GPC5: variants seen among roughly 807,000 people sequenced by gnomAD.
GPC5 encodes glypican-5.
GPC5 carries 47 observed loss-of-function variants against 53.9 expected under a neutral mutation model. The observed-to-expected ratio is 0.87, with a 90% CI of 0.69 to 1.11. The LOEUF is 1.11. Among genes scored for constraint, GPC5 ranks in the 50% most tolerant of loss-of-function variants. The pLI, the probability that GPC5 is intolerant of heterozygous loss-of-function variation, is 0.00. For missense variants in GPC5, 748 were observed against 713.1 expected (o/e 1.05, Z -0.56); for synonymous variants, 286 against 263.3 (o/e 1.09, Z -0.84).
At chr13:91,622,364 T>C (rs1213145163) in intron 2 of GPC5, among the ~76,000 whole-genome samples, 2 of 152,192 alleles carry the variant, frequency 1.3e-5, no homozygotes, top group African/African-American at 4.8e-5. Context: ...AGTCTACATC[T>C]TAACATCTGT....
rs569524907 is a variant in GPC5, at chr13:91,686,901, C to T, written c.326-6286C>T. Among the ~76,000 whole-genome samples the T allele has an allele frequency of 8.6e-5, 13 of 151,988 alleles. No homozygotes were observed. The South Asian group carries it at 1.2e-3, about 15-fold the overall frequency. On this transcript the variant is annotated intron_variant, in intron 2 of 7. Coordinates refer to ENST00000377067, the MANE Select transcript of GPC5 (RefSeq NM_004466.6). ...AGTTGTAATGCACAAAATGCAAATT[C>T]GCTCTGAAAATTTCTCTTCAATCAG...
intron 7 of GPC5, among the ~76,000 whole-genome samples, chr13:92,585,139 C>G (rs1386421833): frequency 2.6e-5 from 4 of 152,118 alleles, no homozygotes; most frequent in African/African-American, 9.7e-5. Context: ...AAGAGGGCCA[C>G]TATCCTTCAG....
chr13:91,474,952 T>A (rs1882847357), intron 2 of GPC5, among the ~76,000 whole-genome samples: 1 of 152,162 alleles, frequency 6.6e-6, no homozygotes, highest in South Asian at 2.1e-4. Flanking sequence ...CTGGTTAATG[T>A]CCTTAATTTG....
At chr13:91,712,938 C>T (rs1264480300) in intron 3 of GPC5, among the ~76,000 whole-genome samples, 4 of 152,092 alleles carry the variant, frequency 2.6e-5, no homozygotes, top group African/African-American at 9.7e-5. Context: ...CGCCTGTAAT[C>T]CCAGCACTTT....
intron 2 of GPC5, among the ~76,000 whole-genome samples, chr13:91,496,760 C>A (rs751037193): frequency 2.0e-5 from 3 of 152,114 alleles, no homozygotes; most frequent in Non-Finnish European, 4.4e-5. Context: ...ATTTATAGTA[C>A]ATTCAAAAAT....
intron 2 of GPC5, among the ~76,000 whole-genome samples, chr13:91,594,153 A>G (rs767076016): frequency 6.6e-6 from 1 of 152,240 alleles, no homozygotes; most frequent in African/African-American, 2.4e-5. Context: ...GGCCAGAGGC[A>G]AAGGATTAGA....
chr13:91,579,082 A>G (rs1254524767), intron 2 of GPC5, among the ~76,000 whole-genome samples: 1 of 152,176 alleles, frequency 6.6e-6, no homozygotes, highest in Non-Finnish European at 1.5e-5. Context: ...TTAAAGGTTT[A>G]CTTTGGAAAA....
intron 7 of GPC5, among the ~76,000 whole-genome samples, chr13:92,829,624 C>G (rs1266219495): frequency 2.2e-4 from 34 of 152,052 alleles, no homozygotes; most frequent in Non-Finnish European, 1.0e-4. Context: ...GTATTTTTAT[C>G]CATTGCTGTC....
intron 7 of GPC5, among the ~76,000 whole-genome samples, chr13:92,325,074 A>T (rs1313800012): frequency 6.6e-6 from 1 of 151,378 alleles, no homozygotes; most frequent in Non-Finnish European, 1.5e-5. Context: ...AGTCAATCTG[A>T]AGGAGAGAAC....
chr13:92,522,353 G>T (rs1247715478), intron 7 of GPC5, among the ~76,000 whole-genome samples: 2 of 152,170 alleles, frequency 1.3e-5, no homozygotes, highest in African/African-American at 4.8e-5. Context: ...CAACAGCAAA[G>T]ACTTGGAACC....
In GPC5 at chr13:92,501,169, G is replaced by A. The variant is rs948165335; in HGVS notation, c.1561+356180G>A. Among the ~76,000 whole-genome samples, 3 of 152,028 alleles carry A rather than the reference G, an allele frequency of 2.0e-5. No individual in the cohort carries two copies. In the East Asian group the frequency reaches 5.8e-4, roughly 29 times the overall value. ...CTATTGAAGTGACACAGTAATGAGAGTAATTAGACAAACAGTTTAACAAGC... is the reference window on the plus strand; with the variant it reads ...CTATTGAAGTGACACAGTAATGAGAATAATTAGACAAACAGTTTAACAAGC... On this transcript the variant is annotated intron_variant, in intron 7 of 7. Coordinates refer to ENST00000377067, the MANE Select transcript of GPC5 (RefSeq NM_004466.6).
intron 1 of GPC5, among the ~76,000 whole-genome samples, chr13:91,444,810 A>G (rs1162055945): frequency 2.0e-5 from 3 of 152,146 alleles, no homozygotes; most frequent in Non-Finnish European, 4.4e-5. Context: ...GGTCGATAGA[A>G]CACATTTAAT....
At chr13:92,138,586 A>G (rs1340521456) in intron 6 of GPC5, among the ~76,000 whole-genome samples, 2 of 152,112 alleles carry the variant, frequency 1.3e-5, no homozygotes, top group Admixed American at 1.3e-4. Context: ...TTCATTATCA[A>G]TCTGTAGATT....
chr13:91,772,534 A>T (rs567953659), intron 5 of GPC5, among the ~76,000 whole-genome samples: 2 of 152,268 alleles, frequency 1.3e-5, no homozygotes, highest in African/African-American at 4.8e-5. Flanking sequence ...CTCTTCCCTT[A>T]TAATTTTTTT....
At chr13:91,766,201 T>G (rs1165359157) in intron 5 of GPC5, among the ~76,000 whole-genome samples, 6 of 152,208 alleles carry the variant, frequency 3.9e-5, no homozygotes, top group Admixed American at 3.3e-4. Context: ...GGATGGAATT[T>G]TAATCAGCAG....
chr13:92,038,353 TA>T (rs1424461248), intron 6 of GPC5, among the ~76,000 whole-genome samples: 1 of 16,816 alleles, frequency 5.9e-5, no homozygotes, highest in Non-Finnish European at 1.1e-4. Flanking sequence ...CTATGCTAGA[TA>T]GATAGATAGA....
chr13:92,268,411 T>C (rs2042817272), intron 7 of GPC5, among the ~76,000 whole-genome samples: 1 of 151,982 alleles, frequency 6.6e-6, no homozygotes, highest in Admixed American at 6.5e-5. Flanking sequence ...CAAAATAGGA[T>C]AGTATCATAC....
chr13:92,214,968 T>C, intron 7 of GPC5, among the ~76,000 whole-genome samples: 1 of 152,150 alleles, frequency 6.6e-6, no homozygotes, highest in Non-Finnish European at 1.5e-5. Flanking sequence ...CTCTCTGCTC[T>C]TGAGCCGCCA....
chr13:92,669,093 T>A (rs1264414391), intron 7 of GPC5, among the ~76,000 whole-genome samples: 1 of 152,130 alleles, frequency 6.6e-6, no homozygotes, highest in East Asian at 1.9e-4. Context: ...TGACTCCATA[T>A]ATGCTCAGTA....
Sources: gnomAD v4.1 joint callset for allele counts (sites outside exome capture counted in the v4.1 genomes callset) on GRCh38, gnomAD v4.1.1 for gene constraint, MANE v1.5 for transcripts, NCBI Gene and HGNC (gene_info 2026-07-23, HGNC 2026-07-21) for gene names.